CAPN10: variants seen among roughly 807,000 people sequenced by gnomAD.
The protein encoded by CAPN10 is calpain-10.
A neutral mutation model predicts 78.4 loss-of-function variants in CAPN10; 71 were observed. That is an observed-to-expected ratio of 0.91 (90% CI 0.75 to 1.10). CAPN10 has a LOEUF of 1.10. CAPN10 is among the 50% of genes least tolerant of loss of function. The probability of loss-of-function intolerance (pLI) is 0.00; values close to 1 mark genes in which losing one functional copy is unlikely to be tolerated. For synonymous variants in CAPN10, 437 were observed against 407.2 expected (o/e 1.07, Z -0.88); for missense variants, 849 against 924.6 (o/e 0.92, Z 1.06).
rs761241724 is a variant in CAPN10, at chr2:240,594,024, C to T, written c.807C>T (p.Cys269=). ...LRIQNPWGRR[C]WQGLWREGGE... ...TCCAGAACCCCTGGGGCCGGCGGTG[C>T]TGGCAGGGGCTCTGGAGAGAGGGGT... Residue 269 remains cysteine (C), a synonymous_variant, in exon 5 of 12, where the codon TGC becomes TGT. Coordinates refer to ENST00000391984, the MANE Select transcript of CAPN10 (RefSeq NM_023083.4). 6.8e-6 allele frequency: 11 copies of T among 1,606,790 alleles called. No homozygotes were observed. The highest frequency in any genetic ancestry group is 2.2e-5 in the South Asian group (2 of 90,506).
Position 240,598,052 on chromosome 2 carries a change from G to T in CAPN10, c.1908G>T (p.Gly636=), listed in dbSNP as rs373598915. The T allele has an allele frequency of 1.2e-6, 2 of 1,611,744 alleles. No homozygotes were observed. The highest frequency in any genetic ancestry group is 1.3e-5 in the African/African-American group (1 of 74,900). ...CCACCTACCTGCCGGACACAGAGGGGGCCTTCACAGTGACCATCGCAACCA... is the reference window on the plus strand; with the variant it reads ...CCACCTACCTGCCGGACACAGAGGGTGCCTTCACAGTGACCATCGCAACCA... The part of the protein sequence containing the change: ...VPSTYLPDTE[G]AFTVTIATRI... The change falls in exon 10 of 12, where the codon GGG becomes GGT. Residue 636 remains glycine, a synonymous_variant. Coordinates refer to ENST00000391984, the MANE Select transcript of CAPN10 (RefSeq NM_023083.4).
chr2:240,589,456 C>A lies in CAPN10; in HGVS notation c.255C>A (p.Ser85Arg). 1 of 1,613,422 alleles carries A rather than the reference C, an allele frequency of 6.2e-7. No homozygotes were observed. Among genetic ancestry groups the A allele is most frequent in the Admixed American group, 1.7e-5 (1 of 59,992 alleles). ...FLCACAALQK[S>R]RHLLDQVIPP... Reference sequence around the variant, plus strand: ...GTGCCTGCGCCGCGCTGCAGAAGAGCAGGCACCTCCTGGACCAGGTGCGGG... The same window carrying A: ...GTGCCTGCGCCGCGCTGCAGAAGAGAAGGCACCTCCTGGACCAGGTGCGGG... Residue 85 changes from serine to arginine, a missense_variant, in exon 2 of 12, where the codon AGC becomes AGA. Transcript: ENST00000391984.
chr2:240,593,792 A>G lies in CAPN10; in HGVS notation c.689-114A>G, dbSNP rs554917470. 6.2e-6 allele frequency: 8 copies of G among 1,285,250 alleles called. No individual in the cohort carries two copies. In the South Asian group the frequency reaches 1.1e-4, roughly 18 times the overall value. 79.6% of individuals were successfully genotyped at this position (1,285,250 alleles called of 1,614,324 possible). On this transcript the variant is annotated intron_variant, in intron 4 of 11. Transcript: ENST00000391984. ...GGGATCTGGGGTCTCCCGTGTAGCC[A>G]TAGTGGGGTGGGCTGGAGCATCTCC...
At chr2:240,593,765 TG>T in intron 4 of CAPN10, 140 bp from the exon 5 acceptor site, 1 of 947,998 alleles carries the variant, frequency 1.1e-6, no homozygotes, top group Non-Finnish European at 1.5e-6. Flanking sequence ...TCGTGGTCCA[TG>T]GGGATCTGGG....
At chr2:240,591,075 T>C in intron 3 of CAPN10, 64 bp downstream of exon 3, 1 of 1,503,780 alleles carries the variant, frequency 6.6e-7, no homozygotes, top group East Asian at 2.3e-5. Flanking sequence ...TACCATGGGC[T>C]GCCCCAGGAG....
chr2:240,598,328 C>T (rs2093150699), intron 10 of CAPN10, 24 bp from the exon 11 acceptor site: 2 of 1,613,030 alleles, frequency 1.2e-6, no homozygotes, highest in Non-Finnish European at 1.7e-6. Context: ...AGTCTGGGAG[C>T]GCTGATCTGG....
intron 3 of CAPN10, chr2:240,591,354 A>AT (rs1328204406): frequency 3.6e-6 from 1 of 277,934 alleles, no homozygotes. Flanking sequence ...AGGCAGACTC[A>AT]TTGTGTAGTC....
At chr2:240,589,641 C>T in intron 2 of CAPN10, 167 bp downstream of exon 2, 1 of 850,824 alleles carries the variant, frequency 1.2e-6, no homozygotes, top group Non-Finnish European at 1.8e-6. Context: ...GAGGACTGCA[C>T]TCTGTCCCTC....
intron 7 of CAPN10, chr2:240,595,891 T>A (rs755232112): frequency 1.6e-6 from 2 of 1,282,288 alleles, no homozygotes; most frequent in Middle Eastern, 4.2e-4. Context: ...ATATGCCGGC[T>A]GCTCGCTCAG....
At chr2:240,589,313 T>C (rs2093086698) in intron 1 of CAPN10, 30 bp from the exon 2 acceptor site, 1 of 1,614,060 alleles carries the variant, frequency 6.2e-7, no homozygotes, top group Non-Finnish European at 8.5e-7. Flanking sequence ...GCAGGCATGA[T>C]CTAACTCTGG....
At position 240,591,996 on chromosome 2, in the gene CAPN10, C is replaced by T. The variant is rs770028921; in HGVS notation, c.534C>T (p.Thr178=). 19 of 1,613,342 alleles carry T rather than the reference C, an allele frequency of 1.2e-5. No homozygotes were observed. The highest frequency in any genetic ancestry group is 7.7e-5 in the South Asian group (7 of 91,000). ...GQVADALVDL[T]GGLAERWNLK... Reference sequence around the variant, plus strand: ...TGGCGGATGCCCTGGTGGACCTGACCGGCGGCCTGGCAGAAAGATGGAACC... The same window carrying T: ...TGGCGGATGCCCTGGTGGACCTGACTGGCGGCCTGGCAGAAAGATGGAACC... Residue 178 remains threonine (T), a synonymous_variant, in exon 4 of 12, where the codon ACC becomes ACT. Transcript: ENST00000391984.
intron 10 of CAPN10, 36 bp downstream of exon 10, chr2:240,598,123 G>T (rs1449774805): frequency 6.4e-7 from 1 of 1,571,144 alleles, no homozygotes; most frequent in South Asian, 1.2e-5. Flanking sequence ...CCAGCTGGAG[G>T]CTGGGGTGCT....
Position 240,598,255 on chromosome 2 carries a change from G to A in CAPN10, c.1944-97G>A, listed in dbSNP as rs2093150273. On this transcript the variant is annotated intron_variant, in intron 10 of 11. Coordinates refer to ENST00000391984, the MANE Select transcript of CAPN10 (RefSeq NM_023083.4). ...TGGGGACCCTTCCTTGCTGGTCTGA[G>A]CCTGGAAGGAGAGTCTAGTGGGAGG... is the stretch of plus-strand genomic sequence containing the variant. 5 of 1,493,860 alleles carry A rather than the reference G, an allele frequency of 3.3e-6. No individual in the cohort carries two copies. In the East Asian group the frequency reaches 1.1e-4, roughly 34 times the overall value. The allele number at this position is 1,493,860 out of a possible 1,614,324, so 92.5% of individuals were successfully genotyped here.
At chr2:240,592,442 G>A (rs2093108569) in intron 4 of CAPN10, 1 of 672,888 alleles carries the variant, frequency 1.5e-6, no homozygotes, top group Non-Finnish European at 2.8e-6. Flanking sequence ...GGCCCAGCTG[G>A]CAACCTGGCA....
chr2:240,591,968 A>G lies in CAPN10; in HGVS notation c.506A>G (p.Gln169Arg). ...HGSYEHLWAG[Q>R]VADALVDLTG... The stretch of plus-strand genomic sequence containing the variant: ...TCCTACGAGCACCTGTGGGCCGGGC[A>G]GGTGGCGGATGCCCTGGTGGACCTG... Residue 169 changes from glutamine to arginine, a missense_variant, in exon 4 of 12, where the codon CAG (glutamine) becomes CGG (arginine). Transcript: ENST00000391984. 1.2e-6 allele frequency: 2 copies of G among 1,613,574 alleles called. No individual in the cohort carries two copies. The highest frequency in any genetic ancestry group is 1.7e-6 in the Non-Finnish European group (2 of 1,179,994).
At chr2:240,594,500 C>T (rs1258360252) in intron 5 of CAPN10, 43 bp from the exon 6 acceptor site, 2 of 1,580,868 alleles carry the variant, frequency 1.3e-6, no homozygotes, top group East Asian at 2.3e-5. Flanking sequence ...TTGACACTAC[C>T]AGTTCTCGGG....
chr2:240,598,762 C>A lies in CAPN10; in HGVS notation c.*82C>A. The A allele has an allele frequency of 7.6e-7, 1 of 1,317,092 alleles. No homozygotes were observed. The highest frequency in any genetic ancestry group is 1.1e-6 in the Non-Finnish European group (1 of 934,398). The allele number at this position is 1,317,092 out of a possible 1,614,324, so 81.6% of individuals were successfully genotyped here. The stretch of plus-strand genomic sequence containing the variant: ...CCAGCAGCTGGGCCGGCCAGCCTTG[C>A]ACTGTGGGGGCTGGTCCTGAGTCTT... On this transcript the variant is annotated 3_prime_UTR_variant, in exon 12 of 12. Coordinates refer to ENST00000391984, the MANE Select transcript of CAPN10 (RefSeq NM_023083.4).
intron 2 of CAPN10, 48 bp downstream of exon 2, chr2:240,589,522 C>G (rs753287892): frequency 1.3e-6 from 2 of 1,564,132 alleles, no homozygotes; most frequent in Non-Finnish European, 1.7e-6. Flanking sequence ...TTTCTTTTTG[C>G]GTTTCTCCAG....
rs2093100181 is a variant in CAPN10 at position 240,591,267 on chromosome 2, A to C, written c.470+256A>C. The C allele has an allele frequency of 6.3e-6, 3 of 477,782 alleles. No homozygotes were observed. In the South Asian group the frequency reaches 9.9e-5, roughly 16 times the overall value. 29.6% of individuals were successfully genotyped at this position (477,782 alleles called of 1,614,324 possible). Reference sequence around the variant, plus strand: ...CGTGGAGTCGTTCTCCACAGAGAACATGTGTGCCGTCCTCCTTATTTTATC... The same window carrying C: ...CGTGGAGTCGTTCTCCACAGAGAACCTGTGTGCCGTCCTCCTTATTTTATC... On this transcript the variant is annotated intron_variant, in intron 3 of 11. Transcript: ENST00000391984.
Sources: allele counts gnomAD v4.1 joint callset, GRCh38; gene constraint gnomAD v4.1.1; transcripts MANE v1.5; gene names NCBI Gene and HGNC (gene_info 2026-07-23, HGNC 2026-07-21).